PMS2: variants seen among roughly 807,000 people sequenced by gnomAD.
PMS2 encodes the protein mismatch repair endonuclease PMS2.
A neutral mutation model predicts 90.0 loss-of-function variants in PMS2; 69 were observed. That is an observed-to-expected ratio of 0.77 (90% CI 0.63 to 0.94). The LOEUF is 0.94. Ranked by LOEUF, PMS2 falls within the 40% of genes least tolerant of loss-of-function variation. The pLI is 0.00. For missense variants in PMS2, 966 were observed against 1,040.2 expected, an observed-to-expected ratio of 0.93 and a Z score of 0.98; for synonymous variants, 332 against 375.1, an observed-to-expected ratio of 0.89 and a Z score of 1.33.
chr7:5,995,523 A>T lies in PMS2; in HGVS notation c.903+11T>A, dbSNP rs766296823. On this transcript the variant is annotated intron_variant, in intron 8 of 14. Coordinates refer to ENST00000265849, the MANE Select transcript of PMS2 (RefSeq NM_000535.7). ...ATAAAGAACAAACTAACACAAAAAA[A>T]TTTTAAATACCTTTGCTGGGTCACA... 2 of 1,598,634 alleles carry T rather than the reference A, an allele frequency of 1.3e-6. No homozygotes were observed. Among genetic ancestry groups the T allele is most frequent in the Non-Finnish European group, 1.7e-6 (2 of 1,165,986 alleles).
chr7:5,998,989 CAAA>C (rs11289444), intron 6 of PMS2, 116 bp downstream of exon 6: 3,590 of 851,010 alleles, frequency 4.2e-3, no homozygotes, highest in Middle Eastern at 5.7e-3. Context: ...GACTCCCTCT[CAAA>C]AAAAAAAAAA....
chr7:6,007,152 G>A (rs7797466), intron 1 of PMS2, among the ~76,000 whole-genome samples: 34,234 of 151,398 alleles, frequency 0.23, 4,218 homozygotes, highest in African/African-American at 0.32. Flanking sequence ...GTCTCACCCC[G>A]TTGCCTATGC....
At chr7:6,007,276 C>G (rs1166300558) in intron 1 of PMS2, among the ~76,000 whole-genome samples, 1 of 152,024 alleles carries the variant, frequency 6.6e-6, no homozygotes, top group African/African-American at 2.4e-5. Flanking sequence ...CCATCACACC[C>G]AGCTAATTTT....
At chr7:5,991,919 T>G (rs56192962) in intron 9 of PMS2, 54 bp downstream of exon 9, 1 of 860,404 alleles carries the variant, frequency 1.2e-6, no homozygotes, top group Non-Finnish European at 2.0e-6. Context: ...AGAATTTCAT[T>G]TTATTCTTTG....
At chr7:5,988,887 G>A (rs976358343) in intron 10 of PMS2, among the ~76,000 whole-genome samples, 1 of 151,932 alleles carries the variant, frequency 6.6e-6, no homozygotes, top group East Asian at 2.0e-4. Context: ...ACGGAGTCTC[G>A]CTTTGTCACC....
chr7:5,998,620 G>A (rs962724076), intron 6 of PMS2, among the ~76,000 whole-genome samples: 1 of 151,442 alleles, frequency 6.6e-6, no homozygotes, highest in African/African-American at 2.4e-5. Context: ...CTTCAACGCG[G>A]GAGGCAGAGG....
chr7:6,006,186 A>G (rs55831342), intron 1 of PMS2, 155 bp from the exon 2 acceptor site: 2 of 865,022 alleles, frequency 2.3e-6, no homozygotes, highest in African/African-American at 1.7e-5. Flanking sequence ...ATCCAGAAAT[A>G]GAAACACTGT....
At position 5,995,579 on chromosome 7, in the gene PMS2, G is replaced by T. The variant is rs201921616; in HGVS notation, c.858C>A (p.Asp286Glu). 1.9e-6 allele frequency: 3 copies of T among 1,613,986 alleles called. No homozygotes were observed. Among genetic ancestry groups the T allele is most frequent in the Non-Finnish European group, 2.5e-6 (3 of 1,179,898 alleles). ...CTHGVGRSST[D>E]RQFFFINRRP... is the part of the protein sequence containing the mutation. ...GCCGGTTGATAAAGAAAAACTGTCT[G>T]TCTGTTGAACTCCTTCCAACTCCAT... Residue 286 changes from aspartate (D) to glutamate (E), a missense_variant, in exon 8 of 15, where the codon GAC becomes GAA. Around this residue, in one of 2 missense-constraint regions of PMS2, gnomAD observed 871 missense variants for 802.4 expected, o/e 1.09. Coordinates refer to ENST00000265849, the MANE Select transcript of PMS2 (RefSeq NM_000535.7).
intron 5 of PMS2, among the ~76,000 whole-genome samples, chr7:5,999,722 G>A (rs776718622): frequency 5.9e-5 from 9 of 151,672 alleles, no homozygotes; most frequent in Non-Finnish European, 1.0e-4. Flanking sequence ...CTTGAGCCTA[G>A]GAGTTCAAGG....
At chr7:6,007,359 G>A (rs113279793) in intron 1 of PMS2, among the ~76,000 whole-genome samples, 23,019 of 151,848 alleles carry the variant, frequency 0.15, 2,254 homozygotes, top group African/African-American at 0.28. Flanking sequence ...CAGGTGATCC[G>A]CCTGCCTCGG....
chr7:6,002,288 C>T, intron 5 of PMS2, 165 bp downstream of exon 5: 1 of 623,552 alleles, frequency 1.6e-6, no homozygotes, highest in Non-Finnish European at 2.8e-6. Flanking sequence ...AGTAAATCAT[C>T]CTAAAGTTAA....
intron 12 of PMS2, among the ~76,000 whole-genome samples, chr7:5,979,087 T>C (rs1562606408): frequency 6.8e-6 from 1 of 146,672 alleles, no homozygotes; most frequent in Non-Finnish European, 1.5e-5. Flanking sequence ...TCCCAGCTAC[T>C]TGGGAGGCTT....
chr7:5,996,352 A>C (rs991649721), intron 7 of PMS2, among the ~76,000 whole-genome samples: 1 of 151,814 alleles, frequency 6.6e-6, no homozygotes, highest in African/African-American at 2.4e-5. Flanking sequence ...TCAGGAGTTC[A>C]AGACCAGCCT....
chr7:6,003,584 G>C (rs913755363), intron 4 of PMS2, 106 bp downstream of exon 4: 5 of 703,994 alleles, frequency 7.1e-6, no homozygotes, highest in Non-Finnish European at 1.0e-5. Context: ...TCAGAAGCTA[G>C]AAGTTGAGAT....
At chr7:5,990,298 G>A (rs1422276677) in intron 9 of PMS2, among the ~76,000 whole-genome samples, 3 of 152,176 alleles carry the variant, frequency 2.0e-5, no homozygotes, top group South Asian at 2.1e-4. Flanking sequence ...GTGAGCCACC[G>A]CGCCCAGCCA....
At chr7:6,000,046 G>A (rs944884307) in intron 5 of PMS2, among the ~76,000 whole-genome samples, 5 of 151,864 alleles carry the variant, frequency 3.3e-5, no homozygotes, top group South Asian at 4.2e-4. Context: ...AGTGTGCACC[G>A]ACTAAAAAAG....
At chr7:5,975,847 C>T (rs1340108656) in intron 14 of PMS2, among the ~76,000 whole-genome samples, 1 of 95,068 alleles carries the variant, frequency 1.1e-5, no homozygotes, top group African/African-American at 3.4e-5. Flanking sequence ...TTCCATCCCA[C>T]CTTTTAGATG....
intron 11 of PMS2, among the ~76,000 whole-genome samples, chr7:5,986,414 G>A (rs957456661): frequency 8.6e-5 from 13 of 151,750 alleles, no homozygotes; most frequent in African/African-American, 2.4e-4. Flanking sequence ...TTACCTGGCC[G>A]GGTGTGGTGG....
At chr7:5,993,370 CAAAAA>C (rs141290969) in intron 8 of PMS2, among the ~76,000 whole-genome samples, 4 of 72,976 alleles carry the variant, frequency 5.5e-5, no homozygotes, top group African/African-American at 1.7e-4. Context: ...GACTCCGTCT[CAAAAA>C]AAAAAAAAAA....
Sources: allele counts gnomAD v4.1 joint callset (sites outside exome capture counted in the v4.1 genomes callset), GRCh38; gene constraint gnomAD v4.1.1; regional missense constraint gnomAD v4.1.1; transcripts MANE v1.5; gene names NCBI Gene and HGNC (gene_info 2026-07-23, HGNC 2026-07-21).